RLIG1: variants seen among roughly 807,000 people sequenced by gnomAD.
RLIG1 encodes RNA 5'-phosphate and 3'-OH ligase 1.
the RLIG1 span, among the ~76,000 whole-genome samples, chr12:88,046,627 G>A: frequency 6.6e-6 from 1 of 152,166 alleles, no homozygotes; most frequent in African/African-American, 2.4e-5. Flanking sequence ...CACCAAGGTG[G>A]AATTTAGAGT....
chr12:88,038,667 G>A, the RLIG1 span, among the ~76,000 whole-genome samples: 1 of 152,076 alleles, frequency 6.6e-6, no homozygotes, highest in Non-Finnish European at 1.5e-5. Flanking sequence ...TTCCTTTCAG[G>A]CAGATAATAT....
At chr12:88,049,495 T>C in the RLIG1 span, 17 of 759,714 alleles carry the variant, frequency 2.2e-5, no homozygotes, top group African/African-American at 3.0e-4. Context: ...TAATTGTAAA[T>C]ATGAAAGCCA....
chr12:88,047,000 G>A, the RLIG1 span: 29 of 1,574,626 alleles, frequency 1.8e-5, 1 homozygote, highest in South Asian at 2.4e-4. Context: ...TAGCTCCGGT[G>A]GGGTTATGTC....
chr12:88,038,488 TAACTCAA>T, the RLIG1 span, among the ~76,000 whole-genome samples: 1 of 152,184 alleles, frequency 6.6e-6, no homozygotes, highest in South Asian at 2.1e-4. Flanking sequence ...AAGTGAAGCC[TAACTCAA>T]GAGTCAAGAG....
At chr12:88,043,762 T>C in the RLIG1 span, 2 of 1,272,426 alleles carry the variant, frequency 1.6e-6, no homozygotes, top group African/African-American at 1.5e-5. Context: ...ACTAGTAAAA[T>C]GATCAAAATA....
At chr12:88,035,969 T>A in the RLIG1 span, 27 of 1,522,250 alleles carry the variant, frequency 1.8e-5, no homozygotes, top group Non-Finnish European at 2.3e-5. Flanking sequence ...GAATTTTCCT[T>A]ATCAGGAGAT....
chr12:88,044,977 A>G, the RLIG1 span: 1 of 152,542 alleles, frequency 6.6e-6, no homozygotes, highest in Non-Finnish European at 1.5e-5. Context: ...GTTTTTAATC[A>G]GTGGTACAGC....
chr12:88,038,926 G>A, the RLIG1 span, among the ~76,000 whole-genome samples: 2 of 152,112 alleles, frequency 1.3e-5, no homozygotes, highest in African/African-American at 4.8e-5. Context: ...TCATGCAGTT[G>A]AGGAGGAAAA....
the RLIG1 span, among the ~76,000 whole-genome samples, chr12:88,047,664 C>G: frequency 6.6e-6 from 1 of 152,050 alleles, no homozygotes; most frequent in Non-Finnish European, 1.5e-5. Flanking sequence ...TAGCCCTGTC[C>G]TCTCCATTCT....
At chr12:88,048,292 G>C in the RLIG1 span, 1 of 1,600,740 alleles carries the variant, frequency 6.2e-7, no homozygotes. Flanking sequence ...ATGAATTCAA[G>C]ACCAGTTATT....
the RLIG1 span, chr12:88,036,115 A>G: frequency 7.6e-7 from 1 of 1,314,090 alleles, no homozygotes; most frequent in Non-Finnish European, 1.0e-6. Flanking sequence ...TCAAGAGTGC[A>G]GTAAGAAAGG....
At chr12:88,039,560 T>G in the RLIG1 span, among the ~76,000 whole-genome samples, 1 of 152,190 alleles carries the variant, frequency 6.6e-6, no homozygotes, top group Non-Finnish European at 1.5e-5. Flanking sequence ...CCTTTTGTTT[T>G]TTTCCTCAGA....
At chr12:88,047,101 T>C in the RLIG1 span, 1 of 980,950 alleles carries the variant, frequency 1.0e-6, no homozygotes, top group Non-Finnish European at 1.5e-6. Context: ...AATTTAATTT[T>C]CTCATCCCAT....
chr12:88,044,311 T>A, the RLIG1 span: 1 of 152,768 alleles, frequency 6.5e-6, no homozygotes, highest in African/African-American at 2.4e-5. Context: ...TTCCAAGTTC[T>A]TGTCAGGATA....
the RLIG1 span, chr12:88,046,952 T>C: frequency 5.6e-6 from 9 of 1,610,206 alleles, no homozygotes; most frequent in Non-Finnish European, 7.6e-6. Context: ...TAGTGTGGCA[T>C]TGCAGTGATG....
the RLIG1 span, chr12:88,045,842 G>A: frequency 2.9e-6 from 4 of 1,365,944 alleles, no homozygotes; most frequent in African/African-American, 4.4e-5. Context: ...AACTTTCTAG[G>A]TCAACTTAAA....
At chr12:88,049,373 A>T in the RLIG1 span, 1 of 1,555,622 alleles carries the variant, frequency 6.4e-7, no homozygotes, top group African/African-American at 1.4e-5. Context: ...AAAATGAAGG[A>T]TCAAAATTTT....
chr12:88,036,440 T>C, the RLIG1 span, among the ~76,000 whole-genome samples: 2 of 152,234 alleles, frequency 1.3e-5, no homozygotes, highest in African/African-American at 2.4e-5. Context: ...AAAACCAACA[T>C]GTCCATTGGA....
the RLIG1 span, chr12:88,042,990 C>G: frequency 1.2e-6 from 1 of 867,588 alleles, no homozygotes; most frequent in Non-Finnish European, 1.7e-6. Flanking sequence ...TGTGGTATTT[C>G]TATACATTAT....
Sources: allele counts gnomAD v4.1 joint callset (sites outside exome capture counted in the v4.1 genomes callset), GRCh38; gene constraint gnomAD v4.1.1; transcripts MANE v1.5; gene names NCBI Gene and HGNC (gene_info 2026-07-23, HGNC 2026-07-21).